Variants in PHF14 observed in about 807,000 individuals in gnomAD.
PHF14 encodes the protein PHD finger protein 14.
A neutral mutation model predicts 117.9 loss-of-function variants in PHF14; 55 were observed. That is an observed-to-expected ratio of 0.47 (90% CI 0.38 to 0.58). The LOEUF (loss-of-function observed/expected upper bound fraction) is 0.58. Among genes scored for constraint, PHF14 ranks in the 20% least tolerant of loss-of-function variants. The pLI, the probability that PHF14 is intolerant of heterozygous loss-of-function variation, is 0.00. For synonymous variants in PHF14, 409 were observed against 368.6 expected, an observed-to-expected ratio of 1.11 and a Z score of -1.26; for missense variants, 978 against 1,122.2, an observed-to-expected ratio of 0.87 and a Z score of 1.84.
chr7:11,163,406 T>C (rs1298554892), intron 17 of PHF14, among the ~76,000 whole-genome samples: 3 of 152,234 alleles, frequency 2.0e-5, no homozygotes, highest in Non-Finnish European at 4.4e-5. Context: ...AATTGCCTTT[T>C]GTATTAAATG....
intron 16 of PHF14, among the ~76,000 whole-genome samples, chr7:11,068,855 T>C (rs1324937322): frequency 6.6e-6 from 1 of 152,180 alleles, no homozygotes; most frequent in Non-Finnish European, 1.5e-5. Context: ...ATGATCATGG[T>C]ATATCTCTCC....
At chr7:10,981,623 C>A (rs1203221836) in intron 2 of PHF14, among the ~76,000 whole-genome samples, 1 of 152,172 alleles carries the variant, frequency 6.6e-6, no homozygotes, top group African/African-American at 2.4e-5. Context: ...CTGCTTTATT[C>A]ATCAATTTCT....
intron 17 of PHF14, among the ~76,000 whole-genome samples, chr7:11,165,089 G>A (rs890791491): frequency 1.3e-5 from 2 of 152,094 alleles, no homozygotes; most frequent in African/African-American, 4.8e-5. Flanking sequence ...CACACCCAGC[G>A]AATAATTGTA....
chr7:11,063,347 A>G (rs1785304319), intron 16 of PHF14: 1 of 984,254 alleles, frequency 1.0e-6, no homozygotes, highest in Non-Finnish European at 1.2e-6. Context: ...CACAGTATAA[A>G]TTTTGCAATA....
chr7:10,984,249 G>A (rs1034907639), intron 3 of PHF14, among the ~76,000 whole-genome samples: 2 of 151,956 alleles, frequency 1.3e-5, no homozygotes, highest in Non-Finnish European at 2.9e-5. Context: ...TGGTGATTTC[G>A]TTACCAAAAT....
chr7:11,054,082 A>G (rs3801441), intron 14 of PHF14, among the ~76,000 whole-genome samples: 54,579 of 151,718 alleles, frequency 0.36, 10,483 homozygotes, highest in East Asian at 0.75. Context: ...CTTTTTCTTA[A>G]CTTGTTTTTA....
At chr7:11,164,408 C>T (rs1292518945) in intron 17 of PHF14, among the ~76,000 whole-genome samples, 3 of 152,028 alleles carry the variant, frequency 2.0e-5, no homozygotes, top group Non-Finnish European at 4.4e-5. Flanking sequence ...AAATAAAAAT[C>T]AATAATATCA....
At chr7:10,980,238 C>G (rs544657894) in intron 2 of PHF14, among the ~76,000 whole-genome samples, 2 of 152,104 alleles carry the variant, frequency 1.3e-5, no homozygotes, top group African/African-American at 4.8e-5. Flanking sequence ...TGATAAAAAG[C>G]CTTCTAGAAG....
At position 11,019,457 on chromosome 7, in the gene PHF14, G is replaced by C. The variant is rs566875341; in HGVS notation, c.1206-3411G>C. Among the ~76,000 whole-genome samples the C allele has an allele frequency of 3.0e-3, 461 of 152,146 alleles. 2 individuals are homozygous for C. The highest frequency in any genetic ancestry group is 0.011 in the African/African-American group (440 of 41,500). ...TGTACAGGCTTTGGATTTCTTCATG[G>C]TTCAATCTTGGTAGGTTGTATGTGT... On this transcript the variant is annotated intron_variant, in intron 5 of 17. Transcript: ENST00000634607.
At chr7:11,148,864 G>A (rs1788627939) in intron 17 of PHF14, among the ~76,000 whole-genome samples, 1 of 152,022 alleles carries the variant, frequency 6.6e-6, no homozygotes, top group Non-Finnish European at 1.5e-5. Context: ...CACAATTTTT[G>A]GAAATATATT....
intron 17 of PHF14, among the ~76,000 whole-genome samples, chr7:11,131,307 C>G (rs944134132): frequency 6.6e-6 from 1 of 151,828 alleles, no homozygotes; most frequent in Non-Finnish European, 1.5e-5. Context: ...AGTTGTTGTT[C>G]CATATCTTTG....
chr7:11,153,204 A>G (rs1210919084), intron 17 of PHF14, among the ~76,000 whole-genome samples: 1 of 152,188 alleles, frequency 6.6e-6, no homozygotes, highest in Non-Finnish European at 1.5e-5. Flanking sequence ...AAGAAACATG[A>G]TAGCTTGAAT....
At chr7:11,159,115 G>C (rs990109071) in intron 17 of PHF14, among the ~76,000 whole-genome samples, 1 of 151,988 alleles carries the variant, frequency 6.6e-6, no homozygotes, top group African/African-American at 2.4e-5. Flanking sequence ...TTATAAACTT[G>C]AGTCAGTGAA....
At chr7:11,053,409 T>G (rs1784908811) in intron 14 of PHF14, among the ~76,000 whole-genome samples, 1 of 149,174 alleles carries the variant, frequency 6.7e-6, no homozygotes, top group Non-Finnish European at 1.5e-5. Flanking sequence ...TAACTCTTTT[T>G]TTAGGCTTCA....
chr7:11,087,106 C>T (rs954409366), intron 16 of PHF14, among the ~76,000 whole-genome samples: 7 of 151,952 alleles, frequency 4.6e-5, no homozygotes, highest in African/African-American at 4.8e-5. Flanking sequence ...CCTTTTCATT[C>T]TATTCTGAAA....
intron 2 of PHF14, among the ~76,000 whole-genome samples, chr7:10,978,993 G>A (rs982978573): frequency 3.0e-4 from 45 of 152,064 alleles, no homozygotes; most frequent in Admixed American, 2.0e-4. Context: ...TGATTGATCT[G>A]TTATCTATTG....
chr7:10,974,772 C>T (rs1583318415), intron 1 of PHF14, 63 bp from the exon 2 acceptor site: 11 of 847,308 alleles, frequency 1.3e-5, no homozygotes, highest in Middle Eastern at 2.2e-4. Flanking sequence ...TCTCTTAGCA[C>T]CACAACTCTC....
At chr7:11,155,169 G>A (rs898909715) in intron 17 of PHF14, among the ~76,000 whole-genome samples, 2 of 152,126 alleles carry the variant, frequency 1.3e-5, no homozygotes, top group Non-Finnish European at 1.5e-5. Context: ...AATAATTTTA[G>A]TCGTCAAAAA....
intron 12 of PHF14, 146 bp downstream of exon 12, chr7:11,040,921 A>G: frequency 2.1e-6 from 1 of 473,216 alleles, no homozygotes; most frequent in South Asian, 4.4e-5. Context: ...TTCTCAAAAG[A>G]TGCATTCCAG....
Sources: gnomAD v4.1 joint callset for allele counts (sites outside exome capture counted in the v4.1 genomes callset) on GRCh38, gnomAD v4.1.1 for gene constraint, MANE v1.5 for transcripts, NCBI Gene and HGNC (gene_info 2026-07-23, HGNC 2026-07-21) for gene names.